TBCA: variants seen among roughly 807,000 people sequenced by gnomAD.
TBCA encodes the protein tubulin folding cofactor A.
A neutral mutation model predicts 15.8 loss-of-function variants in TBCA; 6 were observed. The ratio of observed to expected loss-of-function variants is 0.38; its 90% CI spans 0.21 to 0.75. TBCA has a LOEUF of 0.75. Among genes scored for constraint, TBCA ranks in the 30% least tolerant of loss-of-function variants. The probability of loss-of-function intolerance (pLI) is 0.46; values close to 1 mark genes in which losing one functional copy is unlikely to be tolerated. For synonymous variants in TBCA, 32 were observed against 42.3 expected (o/e 0.76, Z 0.94); for missense variants, 90 against 131.2 (o/e 0.69, Z 1.53).
At chr5:77,696,216 C>T (rs540025575) in intron 2 of TBCA, among the ~76,000 whole-genome samples, 4 of 152,282 alleles carry the variant, frequency 2.6e-5, no homozygotes, top group Admixed American at 1.3e-4. Context: ...AATAGATACT[C>T]TAATATTGGC....
At chr5:77,749,734 T>C (rs889459911) in intron 1 of TBCA, among the ~76,000 whole-genome samples, 1 of 152,222 alleles carries the variant, frequency 6.6e-6, no homozygotes, top group Non-Finnish European at 1.5e-5. Flanking sequence ...CAGATAAATC[T>C]GCCAATTTGT....
intron 1 of TBCA, among the ~76,000 whole-genome samples, chr5:77,767,285 G>A (rs969401508): frequency 1.3e-5 from 2 of 152,094 alleles, no homozygotes; most frequent in Non-Finnish European, 2.9e-5. Flanking sequence ...AACCGAGTTA[G>A]AATACACACA....
intron 1 of TBCA, among the ~76,000 whole-genome samples, chr5:77,760,156 T>G (rs1020190119): frequency 6.6e-6 from 1 of 152,154 alleles, no homozygotes; most frequent in Non-Finnish European, 1.5e-5. Flanking sequence ...TTCCTACTTC[T>G]AACACAGAGG....
At chr5:77,720,045 C>A (rs1270996471) in intron 1 of TBCA, among the ~76,000 whole-genome samples, 1 of 152,136 alleles carries the variant, frequency 6.6e-6, no homozygotes, top group Non-Finnish European at 1.5e-5. Context: ...GCCTTTGTAA[C>A]ATCTCTATTT....
intron 1 of TBCA, among the ~76,000 whole-genome samples, chr5:77,748,485 CTTTT>C (rs35974461): frequency 1.3e-5 from 2 of 148,386 alleles, no homozygotes; most frequent in African/African-American, 4.9e-5. Flanking sequence ...TTTAGTTTTG[CTTTT>C]TTTTTTTAAG....
chr5:77,762,352 T>C (rs182203559), intron 1 of TBCA, among the ~76,000 whole-genome samples: 10 of 152,348 alleles, frequency 6.6e-5, no homozygotes, highest in Admixed American at 6.5e-4. Flanking sequence ...AAAAGATTAA[T>C]ACGTAGAAAA....
intron 2 of TBCA, chr5:77,693,747 T>G (rs994157246): frequency 6.0e-6 from 1 of 165,920 alleles, no homozygotes. Flanking sequence ...TGTGATGAGC[T>G]GAGATTGCAC....
intron 1 of TBCA, among the ~76,000 whole-genome samples, chr5:77,745,831 A>C (rs1168662262): frequency 6.6e-6 from 1 of 152,232 alleles, no homozygotes; most frequent in African/African-American, 2.4e-5. Context: ...ACTAGCTATC[A>C]TTTCACATGT....
At chr5:77,746,088 C>T (rs1391513406) in intron 1 of TBCA, among the ~76,000 whole-genome samples, 1 of 152,082 alleles carries the variant, frequency 6.6e-6, no homozygotes, top group Non-Finnish European at 1.5e-5. Flanking sequence ...CCCAACGGGG[C>T]ATTTCGGCCT....
intron 1 of TBCA, among the ~76,000 whole-genome samples, chr5:77,714,002 A>G (rs1038385653): frequency 8.7e-6 from 1 of 115,384 alleles, no homozygotes; most frequent in Non-Finnish European, 1.9e-5. Context: ...CACAGAATCC[A>G]TTGAAAAAAA....
chr5:77,705,554 G>A (rs1580095747), intron 2 of TBCA: 5 of 398,438 alleles, frequency 1.3e-5, no homozygotes, highest in Non-Finnish European at 1.8e-5. Flanking sequence ...AGGCCAGGTA[G>A]GGGGGACTCA....
intron 1 of TBCA, among the ~76,000 whole-genome samples, chr5:77,746,947 T>C (rs539218106): frequency 1.3e-5 from 2 of 152,088 alleles, no homozygotes; most frequent in Non-Finnish European, 2.9e-5. Context: ...GAAATTACTA[T>C]AAAAACATAA....
At chr5:77,747,709 A>C (rs1041438397) in intron 1 of TBCA, among the ~76,000 whole-genome samples, 2 of 152,126 alleles carry the variant, frequency 1.3e-5, no homozygotes, top group East Asian at 3.8e-4. Context: ...TGGTCTTTTA[A>C]AGTTTTTTCT....
chr5:77,769,408 A>G (rs1404885137), intron 1 of TBCA, among the ~76,000 whole-genome samples: 1 of 152,216 alleles, frequency 6.6e-6, no homozygotes, highest in Non-Finnish European at 1.5e-5. Context: ...TCTATGCACC[A>G]TTGCTTTAAA....
At position 77,693,275 on chromosome 5, in the gene TBCA, T is replaced by C; in HGVS notation, c.237A>G (p.Gln79=). The C allele has an allele frequency of 6.2e-7, 1 of 1,613,900 alleles. No homozygotes were observed. The highest frequency in any genetic ancestry group is 8.5e-7 in the Non-Finnish European group (1 of 1,179,930). ...AGAAGTCTTTGCTTACTAGTATCCGTTGAAGATCCAAATATGCGGCTTCCA... is the reference window on the plus strand; with the variant it reads ...AGAAGTCTTTGCTTACTAGTATCCGCTGAAGATCCAAATATGCGGCTTCCA... ...RRLEAAYLDL[Q]RILENEKDLE... The change falls in exon 3 of 4, where the codon CAA becomes CAG. Residue 79 remains glutamine (Q), a synonymous_variant. Coordinates refer to ENST00000380377, the MANE Select transcript of TBCA (RefSeq NM_004607.3).
At chr5:77,738,843 A>G (rs751043796) in intron 1 of TBCA, among the ~76,000 whole-genome samples, 1 of 152,074 alleles carries the variant, frequency 6.6e-6, no homozygotes, top group Admixed American at 6.5e-5. Context: ...TCAGTCTCTC[A>G]AAGTGCTGGG....
Position 77,756,242 on chromosome 5 carries a change from G to T in TBCA, c.53+19963C>A, listed in dbSNP as rs574366399. Among the ~76,000 whole-genome samples, 5 of 152,278 alleles carry T rather than the reference G, an allele frequency of 3.3e-5. No homozygotes were observed. The South Asian group carries it at 1.0e-3, about 32-fold the overall frequency. On this transcript the variant is annotated intron_variant, in intron 1 of 3. Coordinates refer to ENST00000380377, the MANE Select transcript of TBCA (RefSeq NM_004607.3). ...TACGTCTCAATTTTTCTCTCCAGAG[G>T]TCTAGCACCTTCCAGAGGGCTCAAA...
At chr5:77,735,614 A>G (rs1023940683) in intron 1 of TBCA, among the ~76,000 whole-genome samples, 1 of 152,186 alleles carries the variant, frequency 6.6e-6, no homozygotes, top group African/African-American at 2.4e-5. Flanking sequence ...ACTTGACTTT[A>G]ATTTTCCTAA....
intron 1 of TBCA, among the ~76,000 whole-genome samples, chr5:77,756,592 G>A (rs942651947): frequency 6.6e-6 from 1 of 150,740 alleles, no homozygotes; most frequent in Non-Finnish European, 1.5e-5. Flanking sequence ...AATCTTGCCC[G>A]CTAGAATTAG....
Sources: gnomAD v4.1 joint callset for allele counts (sites outside exome capture counted in the v4.1 genomes callset) on GRCh38, gnomAD v4.1.1 for gene constraint, MANE v1.5 for transcripts, NCBI Gene and HGNC (gene_info 2026-07-23, HGNC 2026-07-21) for gene names.